Variants in NFATC1 observed in about 807,000 individuals in gnomAD.
The protein encoded by NFATC1 is nuclear factor of activated T cells 1, also known as nuclear factor of activated T-cells, cytoplasmic 1.
Under a neutral mutation model 76.0 loss-of-function variants are expected in NFATC1, and 22 were observed. The ratio of observed to expected loss-of-function variants is 0.29; its 90% CI spans 0.21 to 0.41. The LOEUF (loss-of-function observed/expected upper bound fraction) is 0.41. Among genes scored for constraint, NFATC1 ranks in the 10% least tolerant of loss-of-function variants. NFATC1 has a pLI of 1.00. For missense variants in NFATC1, 1,357 were observed against 1,337.7 expected, an observed-to-expected ratio of 1.01 and a Z score of -0.23; for synonymous variants, 704 against 613.1, an observed-to-expected ratio of 1.15 and a Z score of -2.19.
intron 7 of NFATC1, among the ~76,000 whole-genome samples, chr18:79,463,776 G>A (rs1458180242): frequency 3.3e-5 from 5 of 152,240 alleles, no homozygotes; most frequent in Non-Finnish European, 7.3e-5. Flanking sequence ...CCCTAGCCCT[G>A]GCTCCGTCGG....
chr18:79,435,398 G>C (rs1463664495), intron 3 of NFATC1, among the ~76,000 whole-genome samples: 2 of 151,574 alleles, frequency 1.3e-5, no homozygotes, highest in Non-Finnish European at 2.9e-5. Flanking sequence ...ACCCGGGCTG[G>C]AGTGCAGTGG....
chr18:79,458,325 A>C (rs752892663), intron 6 of NFATC1, among the ~76,000 whole-genome samples: 23,346 of 149,364 alleles, frequency 0.16, 2,720 homozygotes, highest in African/African-American at 0.35. Flanking sequence ...GGGCACGAGG[A>C]TGCTTTGGGG....
At chr18:79,400,401 C>CTG in intron 1 of NFATC1, 1 of 1,491,462 alleles carries the variant, frequency 6.7e-7, no homozygotes, top group Non-Finnish European at 8.9e-7. Context: ...CATGACGGGG[C>CTG]TGGAGGACCA....
At chr18:79,443,041 C>T (rs112662669) in intron 3 of NFATC1, among the ~76,000 whole-genome samples, 1 of 152,328 alleles carries the variant, frequency 6.6e-6, no homozygotes, top group African/African-American at 2.4e-5. Context: ...CAGCCCTTCC[C>T]GGTCAGGACT....
At chr18:79,471,167 G>A (rs1002513305) in intron 8 of NFATC1, among the ~76,000 whole-genome samples, 10 of 152,216 alleles carry the variant, frequency 6.6e-5, no homozygotes, top group Non-Finnish European at 7.3e-5. Context: ...CGGAAGGCGC[G>A]TTAGGAGGGC....
At chr18:79,440,253 C>T (rs188917855) in intron 3 of NFATC1, among the ~76,000 whole-genome samples, 2 of 152,340 alleles carry the variant, frequency 1.3e-5, no homozygotes, top group African/African-American at 2.4e-5. Flanking sequence ...TCTGGCACGG[C>T]CGTTGCTAGT....
At chr18:79,418,146 G>A (rs1300206667) in intron 2 of NFATC1, among the ~76,000 whole-genome samples, 1 of 152,108 alleles carries the variant, frequency 6.6e-6, no homozygotes, top group Non-Finnish European at 1.5e-5. Flanking sequence ...AGGGCTCGGG[G>A]TGTTGATGGA....
chr18:79,510,903 A>G (rs1249957757), intron 9 of NFATC1, among the ~76,000 whole-genome samples: 1 of 151,842 alleles, frequency 6.6e-6, no homozygotes, highest in Non-Finnish European at 1.5e-5. Context: ...CCGCCGGGAC[A>G]TCCTCCACCG....
chr18:79,476,363 C>T (rs1218463192), intron 8 of NFATC1, among the ~76,000 whole-genome samples: 5 of 152,258 alleles, frequency 3.3e-5, no homozygotes, highest in Non-Finnish European at 7.3e-5. Context: ...CAGAACACGG[C>T]GGGCAGCGCG....
At position 79,465,939 on chromosome 18, in the gene NFATC1, G is replaced by C. The variant is rs117511469; in HGVS notation, c.1960-1511G>C. ...CTCCGGCGGCAGCTTCAGCTCCCCTGGGGCAGCTCTGATGCGGGGCAAAGG... is the reference window on the plus strand; with the variant it reads ...CTCCGGCGGCAGCTTCAGCTCCCCTCGGGCAGCTCTGATGCGGGGCAAAGG... On this transcript the variant is annotated intron_variant, in intron 7 of 9. Coordinates refer to ENST00000427363, the MANE Select transcript of NFATC1 (RefSeq NM_001278669.2). The surrounding 1 kb of genome is among the most constrained non-coding windows in gnomAD (Gnocchi z 4.2). Among the ~76,000 whole-genome samples the C allele has an allele frequency of 4.6e-3, 708 of 152,346 alleles. 4 individuals are homozygous for C. Among genetic ancestry groups the C allele is most frequent in the East Asian group, 0.025 (127 of 5,172 alleles).
At chr18:79,451,640 G>T (rs748229135) in intron 5 of NFATC1, 36 bp from the exon 6 acceptor site, 2 of 1,538,848 alleles carry the variant, frequency 1.3e-6, no homozygotes, top group Non-Finnish European at 1.8e-6. Flanking sequence ...CGCCCACTCA[G>T]GACAGGCCCT....
At chr18:79,492,979 G>T (rs1193994076) in intron 9 of NFATC1, among the ~76,000 whole-genome samples, 1 of 138,104 alleles carries the variant, frequency 7.2e-6, no homozygotes, top group South Asian at 2.2e-4. Context: ...TTTCAGAAGT[G>T]CTTGACCCAT....
At chr18:79,414,220 T>C (rs7240256) in intron 2 of NFATC1, among the ~76,000 whole-genome samples, 62,103 of 151,976 alleles carry the variant, frequency 0.41, 14,364 homozygotes, top group African/African-American at 0.64. Flanking sequence ...GCAGCAGCTC[T>C]GGCAGGCGTG....
intron 9 of NFATC1, among the ~76,000 whole-genome samples, chr18:79,504,132 A>G (rs11664383): frequency 0.059 from 9,048 of 152,116 alleles, 396 homozygotes; most frequent in Admixed American, 0.096. Flanking sequence ...GGTGTTGTTC[A>G]CTAGGGCAGC....
chr18:79,478,253 G>A (rs913318948), intron 8 of NFATC1, among the ~76,000 whole-genome samples: 9 of 152,026 alleles, frequency 5.9e-5, no homozygotes, highest in South Asian at 2.1e-4. Flanking sequence ...TGCTCATGCC[G>A]ATTTTTATTC....
chr18:79,475,205 CCGT>C (rs1223818281), intron 8 of NFATC1, among the ~76,000 whole-genome samples: 1 of 147,970 alleles, frequency 6.8e-6, no homozygotes. Flanking sequence ...CTCACGCTCA[CCGT>C]CGACGTTGTA....
intron 6 of NFATC1, among the ~76,000 whole-genome samples, chr18:79,452,706 G>A (rs1297439997): frequency 6.6e-6 from 1 of 152,234 alleles, no homozygotes; most frequent in African/African-American, 2.4e-5. Context: ...AGGGGGTTCA[G>A]GCAGAGTGGG....
intron 2 of NFATC1, among the ~76,000 whole-genome samples, chr18:79,429,394 TTGAG>T (rs1286963004): frequency 6.6e-6 from 1 of 151,960 alleles, no homozygotes; most frequent in Non-Finnish European, 1.5e-5. Context: ...TTCAGTTGTG[TTGAG>T]TGTCACTTTT....
intron 2 of NFATC1, among the ~76,000 whole-genome samples, chr18:79,426,325 C>A (rs900255948): frequency 6.6e-6 from 1 of 152,150 alleles, no homozygotes. Flanking sequence ...CACGCCCTTC[C>A]CAGGCGAGGG....
Sources: gnomAD v4.1 joint callset for allele counts (sites outside exome capture counted in the v4.1 genomes callset) on GRCh38, gnomAD v4.1.1 for gene constraint, Gnocchi (gnomAD v3.1) non-coding constraint, MANE v1.5 for transcripts, NCBI Gene and HGNC (gene_info 2026-07-23, HGNC 2026-07-21) for gene names.